HTR2C: variants seen among roughly 807,000 people sequenced by gnomAD.
HTR2C encodes the protein 5-hydroxytryptamine receptor 2C, also known as 5-hydroxytryptamine (serotonin) receptor 2C, G protein-coupled.
HTR2C carries 5 observed loss-of-function variants against 21.0 expected under a neutral mutation model. The ratio of observed to expected loss-of-function variants is 0.24; its 90% confidence interval spans 0.12 to 0.50. HTR2C has a LOEUF of 0.50. Ranked by LOEUF, HTR2C falls within the 20% of genes least tolerant of loss-of-function variation. The probability of loss-of-function intolerance (pLI) is 0.98; values close to 1 mark genes in which losing one functional copy is unlikely to be tolerated. For missense variants in HTR2C, 271 were observed against 371.2 expected (o/e 0.73, Z 2.22); for synonymous variants, 150 against 145.3 (o/e 1.03, Z -0.23).
intron 4 of HTR2C, chrX:114,775,360 C>T: frequency 1.9e-6 from 1 of 532,161 alleles, no homozygotes; most frequent in Non-Finnish European, 3.5e-6. Flanking sequence ...TGAGGAACAC[C>T]ATGGGGTGCA....
chrX:114,800,966 A>G (rs1376939466), intron 4 of HTR2C, among the ~76,000 whole-genome samples: 1 of 111,455 alleles, frequency 9.0e-6, no homozygotes, highest in East Asian at 2.8e-4. Context: ...AAGACAGTCT[A>G]TGAAGCAGTA....
At chrX:114,801,887 G>A (rs1311719452) in intron 4 of HTR2C, among the ~76,000 whole-genome samples, 1 of 110,810 alleles carries the variant, frequency 9.0e-6, no homozygotes, top group African/African-American at 3.3e-5. Context: ...TCACCCTGCT[G>A]TGCTATCAAA....
At chrX:114,632,721 A>G (rs781925993) in intron 2 of HTR2C, among the ~76,000 whole-genome samples, 2 of 111,014 alleles carry the variant, frequency 1.8e-5, no homozygotes, top group African/African-American at 6.5e-5. Flanking sequence ...GGGAGTAGAA[A>G]TTGGCCCGTG....
chrX:114,896,082 A>G (rs1214974538), intron 5 of HTR2C, among the ~76,000 whole-genome samples: 1 of 111,212 alleles, frequency 9.0e-6, no homozygotes, highest in African/African-American at 3.3e-5. Flanking sequence ...ACGTTTTTCC[A>G]ATTTTTCTTG....
At chrX:114,764,887 C>G (rs1248820179) in intron 4 of HTR2C, among the ~76,000 whole-genome samples, 3 of 54,969 alleles carry the variant, frequency 5.5e-5, no homozygotes, top group African/African-American at 5.7e-5. Context: ...TTCTTTCTTT[C>G]TTTCTTTCTT....
intron 1 of HTR2C, among the ~76,000 whole-genome samples, chrX:114,608,011 A>G (rs1171963143): frequency 1.8e-5 from 2 of 111,443 alleles, no homozygotes; most frequent in African/African-American, 6.5e-5. Context: ...CTAGCCTTTC[A>G]TGAATCTTAC....
chrX:114,833,984 G>T (rs1206668835), intron 4 of HTR2C, among the ~76,000 whole-genome samples: 1 of 110,047 alleles, frequency 9.1e-6, no homozygotes, highest in African/African-American at 3.3e-5. Context: ...GGAGCAGGTT[G>T]TTCAGTTTCC....
rs192141948 is a variant in HTR2C, at chrX:114,729,016, A to G, written c.35+2045A>G. On this transcript the variant is annotated intron_variant, in intron 3 of 5. Transcript: ENST00000276198. ...ATTTGAGATAAATTCTTGTGGGACT[A>G]CTTGAGATGATCTTCAGCTAATTTA... is the stretch of plus-strand genomic sequence containing the variant. Among the ~76,000 whole-genome samples the G allele has an allele frequency of 3.6e-5, 4 of 112,182 alleles. No individual in the cohort carries two copies. The East Asian group carries it at 1.1e-3, about 31-fold the overall frequency.
At chrX:114,706,862 A>G (rs782451804) in intron 2 of HTR2C, among the ~76,000 whole-genome samples, 127 of 111,307 alleles carry the variant, frequency 1.1e-3, no homozygotes, top group Non-Finnish European at 2.1e-3. Flanking sequence ...GCTTTTGGTA[A>G]TCCAGTCAAG....
chrX:114,637,746 G>A (rs1929897639), intron 2 of HTR2C, among the ~76,000 whole-genome samples: 2 of 111,464 alleles, frequency 1.8e-5, no homozygotes, highest in Non-Finnish European at 3.8e-5. Context: ...AAATTAAAAT[G>A]CAAACTCACA....
At chrX:114,863,576 C>T (rs2071022505) in intron 5 of HTR2C, among the ~76,000 whole-genome samples, 1 of 111,472 alleles carries the variant, frequency 9.0e-6, no homozygotes, top group Non-Finnish European at 1.9e-5. Context: ...CTGGAGAGTG[C>T]TCCATGTGTA....
chrX:114,833,393 G>A lies in HTR2C; in HGVS notation c.350-14610G>A, dbSNP rs377665169. ...CAATTTCAGATCCTGTTATTGGTCT[G>A]TTCAGAGATTCAACTTCTTCCTGGT... On this transcript the variant is annotated intron_variant, in intron 4 of 5. Coordinates refer to ENST00000276198, the MANE Select transcript of HTR2C (RefSeq NM_000868.4). Among the ~76,000 whole-genome samples, 352 of 109,854 alleles carry A rather than the reference G, an allele frequency of 3.2e-3. 2 individuals are homozygous for A. The highest frequency in any genetic ancestry group is 0.015 in the East Asian group (50 of 3,441).
At position 114,704,212 on chromosome X, in the gene HTR2C, C is replaced by G. The variant is rs782339939; in HGVS notation, c.-79-22646C>G. Among the ~76,000 whole-genome samples the G allele has an allele frequency of 5.7e-4, 64 of 111,466 alleles. 1 individual carries two copies. The highest frequency in any genetic ancestry group is 1.1e-3 in the African/African-American group (34 of 30,691). ...GAATCCTCCCAAACTCATTTGATGA[C>G]GCCAGCATCATCCTGATACCAAAGC... On this transcript the variant is annotated intron_variant, in intron 2 of 5. Coordinates refer to ENST00000276198, the MANE Select transcript of HTR2C (RefSeq NM_000868.4).
rs1394989367 is a variant in HTR2C at position 114,705,445 on chromosome X, C to T, written c.-79-21413C>T. 5.5e-5 allele frequency among the ~76,000 whole-genome samples: 6 copies of T among 108,390 alleles called. No homozygotes were observed. In the East Asian group the frequency reaches 1.5e-3, roughly 27 times the overall value. 94.1% of individuals were successfully genotyped at this position (108,390 alleles called of 115,157 possible). A position where few individuals can be genotyped will look rare whatever the true frequency, so the allele number is the denominator to read the frequency against. On this transcript the variant is annotated intron_variant, in intron 2 of 5. Transcript: ENST00000276198. ...TGATCTTTGACAAACCTGAGAAAAACAAGCAATGGGGAAAGGATTCCCTAT... is the reference window on the plus strand; with the variant it reads ...TGATCTTTGACAAACCTGAGAAAAATAAGCAATGGGGAAAGGATTCCCTAT...
intron 4 of HTR2C, among the ~76,000 whole-genome samples, chrX:114,790,038 G>A (rs782499077): frequency 7.9e-4 from 89 of 112,019 alleles, no homozygotes; most frequent in Non-Finnish European, 1.3e-3. Flanking sequence ...ACTTCTAAGC[G>A]TTTATATTTT....
At chrX:114,799,552 T>C (rs1174357048) in intron 4 of HTR2C, among the ~76,000 whole-genome samples, 2 of 110,896 alleles carry the variant, frequency 1.8e-5, no homozygotes, top group Non-Finnish European at 3.8e-5. Flanking sequence ...TATGCATTCT[T>C]ACCACAATGG....
Position 114,904,371 on chromosome X carries a change from C to T in HTR2C, c.551-2218C>T, listed in dbSNP as rs781979712. On this transcript the variant is annotated intron_variant, in intron 5 of 5. Coordinates refer to ENST00000276198, the MANE Select transcript of HTR2C (RefSeq NM_000868.4). ...CATACTTTCATCCACTTCTCCCTCC[C>T]GTATTATTTTGAAATAACTCCAAAC... Among the ~76,000 whole-genome samples, 9 of 111,516 alleles carry T rather than the reference C, an allele frequency of 8.1e-5. No individual in the cohort carries two copies. The East Asian group carries it at 2.5e-3, about 32-fold the overall frequency.
chrX:114,596,609 A>T (rs1556392637), intron 1 of HTR2C, among the ~76,000 whole-genome samples: 1 of 111,382 alleles, frequency 9.0e-6, no homozygotes, highest in Non-Finnish European at 1.9e-5. Context: ...TGTATTCAGA[A>T]CTCCTTTGAG....
intron 2 of HTR2C, among the ~76,000 whole-genome samples, chrX:114,636,529 A>C (rs782382229): frequency 8.9e-6 from 1 of 112,237 alleles, no homozygotes. Context: ...CTGTATATTT[A>C]TCCATAATTA....
Sources: allele counts gnomAD v4.1 joint callset (sites outside exome capture counted in the v4.1 genomes callset), GRCh38; gene constraint gnomAD v4.1.1; transcripts MANE v1.5; gene names NCBI Gene and HGNC (gene_info 2026-07-23, HGNC 2026-07-21).